Variants in ASTN1 observed in about 807,000 individuals in gnomAD.
The protein encoded by ASTN1 is astrotactin 1, also known as astrotactin-1.
A neutral mutation model predicts 140.7 loss-of-function variants in ASTN1; 41 were observed. The ratio of observed to expected loss-of-function variants is 0.29; its 90% CI spans 0.23 to 0.38. ASTN1 has a LOEUF of 0.38. Ranked by LOEUF, ASTN1 falls within the 10% of genes least tolerant of loss-of-function variation. The pLI, the probability that ASTN1 is intolerant of heterozygous loss-of-function variation, is 1.00. For missense variants in ASTN1, 1,479 were observed against 1,678.8 expected, an observed-to-expected ratio of 0.88 and a Z score of 2.08; for synonymous variants, 640 against 652.2, an observed-to-expected ratio of 0.98 and a Z score of 0.29.
intron 8 of ASTN1, among the ~76,000 whole-genome samples, chr1:176,995,260 G>A (rs1023153866): frequency 6.6e-6 from 1 of 152,132 alleles, no homozygotes; most frequent in African/African-American, 2.4e-5. Context: ...TATGGGCAGG[G>A]GCAGACCAGT....
intron 1 of ASTN1, among the ~76,000 whole-genome samples, chr1:177,096,146 A>G (rs970127622): frequency 1.3e-5 from 2 of 152,222 alleles, no homozygotes; most frequent in African/African-American, 4.8e-5. Flanking sequence ...TATTTTGGAA[A>G]CACATAACTT....
intron 16 of ASTN1, among the ~76,000 whole-genome samples, chr1:176,930,038 T>G (rs1287032416): frequency 6.6e-6 from 1 of 152,020 alleles, no homozygotes; most frequent in Non-Finnish European, 1.5e-5. Context: ...GATGGTGAGT[T>G]GTAGAATGGA....
At chr1:177,122,309 C>A (rs922249197) in intron 1 of ASTN1, among the ~76,000 whole-genome samples, 1 of 152,140 alleles carries the variant, frequency 6.6e-6, no homozygotes, top group Non-Finnish European at 1.5e-5. Flanking sequence ...CTTCAAGAGG[C>A]AGAGCACGAT....
intron 1 of ASTN1, among the ~76,000 whole-genome samples, chr1:177,095,610 T>C (rs1679991530): frequency 6.6e-6 from 1 of 152,104 alleles, no homozygotes; most frequent in African/African-American, 2.4e-5. Flanking sequence ...ATCTCCCCTA[T>C]ATGAAGTGCA....
At chr1:176,866,519 A>C (rs1668130853) in intron 22 of ASTN1, among the ~76,000 whole-genome samples, 1 of 152,162 alleles carries the variant, frequency 6.6e-6, no homozygotes, top group African/African-American at 2.4e-5. Flanking sequence ...GTGAAGAAAG[A>C]GGGAGTGGCA....
chr1:177,012,988 C>T (rs916460515), intron 8 of ASTN1, among the ~76,000 whole-genome samples: 1 of 152,154 alleles, frequency 6.6e-6, no homozygotes, highest in African/African-American at 2.4e-5. Context: ...TTTTGGATCC[C>T]CAGAAACTAT....
downstream of ASTN1, chr1:176,857,610 A>G (rs769383240): frequency 2.9e-5 from 18 of 614,952 alleles, no homozygotes; most frequent in Non-Finnish European, 5.3e-5. Context: ...CTTTCCTCCA[A>G]TCATCTACAA....
At chr1:176,961,099 A>G (rs1345282274) in intron 9 of ASTN1, among the ~76,000 whole-genome samples, 1 of 152,164 alleles carries the variant, frequency 6.6e-6, no homozygotes, top group Admixed American at 6.5e-5. Flanking sequence ...CAAAGACGTC[A>G]CTCAATAAAT....
At chr1:177,126,200 C>T (rs1681638854) in intron 1 of ASTN1, among the ~76,000 whole-genome samples, 1 of 152,110 alleles carries the variant, frequency 6.6e-6, no homozygotes, top group South Asian at 2.1e-4. Flanking sequence ...ATCTTAGGAC[C>T]ATCATCTGAT....
chr1:177,131,259 CT>C, intron 1 of ASTN1, among the ~76,000 whole-genome samples: 1 of 152,162 alleles, frequency 6.6e-6, no homozygotes, highest in Non-Finnish European at 1.5e-5. Flanking sequence ...TGTAATTGTA[CT>C]TCTGGGAATC....
At chr1:177,026,025 A>C (rs574522528) in intron 5 of ASTN1, among the ~76,000 whole-genome samples, 1 of 152,270 alleles carries the variant, frequency 6.6e-6, no homozygotes, top group African/African-American at 2.4e-5. Flanking sequence ...ACAATGCACT[A>C]CTCAGTCTTT....
At chr1:177,155,657 C>T (rs188456398) in intron 1 of ASTN1, among the ~76,000 whole-genome samples, 70 of 152,136 alleles carry the variant, frequency 4.6e-4, no homozygotes, top group African/African-American at 1.6e-3. Context: ...TGGTGGGAGT[C>T]AGGTTACTCA....
At position 176,939,559 on chromosome 1, in the gene ASTN1, T is replaced by C. The variant is rs568433608; in HGVS notation, c.2378-3189A>G. 3.9e-5 allele frequency among the ~76,000 whole-genome samples: 6 copies of C among 152,288 alleles called. No individual in the cohort carries two copies. The East Asian group carries it at 9.7e-4, about 25-fold the overall frequency. ...AAAGAAAGGGGTATTTTAAAAGATATATATTTTCTAGGTGAGCCATATGAC... is the reference window on the plus strand; with the variant it reads ...AAAGAAAGGGGTATTTTAAAAGATACATATTTTCTAGGTGAGCCATATGAC... On this transcript the variant is annotated intron_variant, in intron 14 of 22. Transcript: ENST00000361833.
intron 17 of ASTN1, 63 bp from the exon 18 acceptor site, chr1:176,888,267 A>G: frequency 6.3e-7 from 1 of 1,584,082 alleles, no homozygotes. Context: ...ATCAGAATCA[A>G]GAGGCAGAGT....
chr1:176,937,650 A>C (rs1465564108), intron 14 of ASTN1, among the ~76,000 whole-genome samples: 1 of 152,170 alleles, frequency 6.6e-6, no homozygotes, highest in Non-Finnish European at 1.5e-5. Flanking sequence ...TCTATGCTTA[A>C]TCTTTGCTAT....
chr1:177,141,345 A>G (rs1299584098), intron 1 of ASTN1, among the ~76,000 whole-genome samples: 1 of 152,102 alleles, frequency 6.6e-6, no homozygotes, highest in Non-Finnish European at 1.5e-5. Context: ...GGCTTGGGGA[A>G]CTTCTCTTCT....
chr1:176,969,124 T>G (rs1673019357), intron 8 of ASTN1, among the ~76,000 whole-genome samples: 1 of 152,134 alleles, frequency 6.6e-6, no homozygotes, highest in Non-Finnish European at 1.5e-5. Context: ...TTGGGCTTTT[T>G]GAGTGCAAGT....
In ASTN1 at chr1:176,940,894, C is replaced by T. The variant is rs111292224; in HGVS notation, c.2377+2997G>A. Among the ~76,000 whole-genome samples, 405 of 152,298 alleles carry T rather than the reference C, an allele frequency of 2.7e-3. 6 individuals carry two copies. The highest frequency in any genetic ancestry group is 4.1e-3 in the Non-Finnish European group (280 of 68,026). On this transcript the variant is annotated intron_variant, in intron 14 of 22. Transcript: ENST00000361833. ...GCTTAAAGTGAAAAGGATTTCTTTA[C>T]TGCAGGGCTTCTAGGAAACTTCTCT...
intron 1 of ASTN1, among the ~76,000 whole-genome samples, chr1:177,122,237 C>T (rs1250944696): frequency 3.9e-5 from 6 of 152,042 alleles, no homozygotes; most frequent in Non-Finnish European, 8.8e-5. Flanking sequence ...ATGTGGAAGG[C>T]GGGAGACTCA....
Sources: allele counts gnomAD v4.1 joint callset (sites outside exome capture counted in the v4.1 genomes callset), GRCh38; gene constraint gnomAD v4.1.1; transcripts MANE v1.5; gene names NCBI Gene and HGNC (gene_info 2026-07-23, HGNC 2026-07-21).